The following MAP3K7 variants were observed in gnomAD, a reference collection of about 807,000 sequenced individuals.
The protein encoded by MAP3K7 is TGF-beta activated kinase 1.
Under a neutral mutation model 84.8 loss-of-function variants are expected in MAP3K7, and 21 were observed. That is an observed-to-expected ratio of 0.25 (90% confidence interval 0.18 to 0.36). MAP3K7 has a LOEUF of 0.36. MAP3K7 is among the 10% of genes least tolerant of loss of function. MAP3K7 has a pLI of 1.00. For missense variants in MAP3K7, 503 were observed against 747.7 expected, an observed-to-expected ratio of 0.67 and a Z score of 3.82; for synonymous variants, 241 against 247.7, an observed-to-expected ratio of 0.97 and a Z score of 0.25.
In MAP3K7 at chr6:90,564,287, A is replaced by G. The variant is rs571360648; in HGVS notation, c.298-2620T>C. ...ACACAGACTGGCAAATTGGATAGAG[A>G]GTCAAGACCAGTAAGTGTGCTGTAT... is the stretch of plus-strand genomic sequence containing the variant. On this transcript the variant is annotated intron_variant, in intron 3 of 16. Coordinates refer to ENST00000369329, the MANE Select transcript of MAP3K7 (RefSeq NM_145331.3). Among the ~76,000 whole-genome samples, 7 of 152,346 alleles carry G rather than the reference A, an allele frequency of 4.6e-5. No homozygotes were observed. The East Asian group carries it at 9.6e-4, about 21-fold the overall frequency.
Position 90,553,992 on chromosome 6 carries a change from C to CA in MAP3K7, c.608-407dup, listed in dbSNP as rs1401861364. Among the ~76,000 whole-genome samples, 3 of 152,248 alleles carry CA rather than the reference C, an allele frequency of 2.0e-5. No homozygotes were observed. The East Asian group carries it at 5.8e-4, about 29-fold the overall frequency. ...TCACACTCTCATCCAGGCTGGAGCTCAGTGTAGCCTCAAACTCTTGGGCTC... is the reference window on the plus strand; with the variant it reads ...TCACACTCTCATCCAGGCTGGAGCTCAAGTGTAGCCTCAAACTCTTGGGCTC... On this transcript the variant is annotated intron_variant, in intron 6 of 16. Coordinates refer to ENST00000369329, the MANE Select transcript of MAP3K7 (RefSeq NM_145331.3).
intron 1 of MAP3K7, among the ~76,000 whole-genome samples, chr6:90,583,407 C>G (rs2127786759): frequency 6.6e-6 from 1 of 152,252 alleles, no homozygotes; most frequent in South Asian, 2.1e-4. Flanking sequence ...CCAGCTTTAC[C>G]ATTTACTTAG....
intron 1 of MAP3K7, among the ~76,000 whole-genome samples, chr6:90,576,281 G>A (rs1416518795): frequency 2.6e-5 from 4 of 151,826 alleles, no homozygotes; most frequent in Non-Finnish European, 5.9e-5. Flanking sequence ...AAATTAACGG[G>A]GCGTGGTGGC....
At chr6:90,531,361 T>C (rs573220753) in intron 13 of MAP3K7, among the ~76,000 whole-genome samples, 3 of 152,168 alleles carry the variant, frequency 2.0e-5, no homozygotes, top group Non-Finnish European at 2.9e-5. Flanking sequence ...GTAGCTAAAA[T>C]TATACAAGCA....
chr6:90,519,224 A>G (rs1417255263), intron 15 of MAP3K7, 34 bp downstream of exon 15: 1 of 1,457,868 alleles, frequency 6.9e-7, no homozygotes, highest in Non-Finnish European at 9.5e-7. Flanking sequence ...TAAGAAGAAA[A>G]AAGTCAACTT....
Position 90,516,620 on chromosome 6 carries a change from C to T in MAP3K7, c.1702G>A (p.Val568Ile), listed in dbSNP as rs1457817469. ...EKDQQNTSRLVQEHKKLLDEN... is the reference protein window; with the variant it reads ...EKDQQNTSRLIQEHKKLLDEN... Reference sequence around the variant, plus strand: ...TCTAAAAGCTTTTTATGTTCCTGTACCAGGCGAGATGTATTTTGCTGGTCC... The same window carrying T: ...TCTAAAAGCTTTTTATGTTCCTGTATCAGGCGAGATGTATTTTGCTGGTCC... Residue 568 changes from valine to isoleucine, a missense_variant, in exon 17 of 17, where the codon GTA (valine) becomes ATA (isoleucine). Coordinates refer to ENST00000369329, the MANE Select transcript of MAP3K7 (RefSeq NM_145331.3). 5 of 1,611,828 alleles carry T rather than the reference C, an allele frequency of 3.1e-6. No homozygotes were observed. Among genetic ancestry groups the T allele is most frequent in the Non-Finnish European group, 4.2e-6 (5 of 1,178,890 alleles).
chr6:90,540,921 T>C (rs556364839), intron 12 of MAP3K7, among the ~76,000 whole-genome samples: 22 of 152,090 alleles, frequency 1.4e-4, no homozygotes, highest in African/African-American at 5.3e-4. Context: ...ATGAACTGCA[T>C]TAGAATGTCT....
intron 8 of MAP3K7, chr6:90,551,701 T>C (rs1477905597): frequency 5.9e-6 from 1 of 170,252 alleles, no homozygotes; most frequent in East Asian, 1.6e-4. Flanking sequence ...ATAATATTAA[T>C]ATATCCAAGT....
rs200692753 is a variant in MAP3K7, at chr6:90,553,590, GA to G, written c.608-5del. The G allele has an allele frequency of 6.1e-4, 862 of 1,422,048 alleles. No individual in the cohort carries two copies. Among genetic ancestry groups the G allele is most frequent in the Admixed American group, 1.5e-3 (68 of 45,454 alleles). 88.1% of individuals were successfully genotyped at this position (1,422,048 alleles called of 1,614,324 possible). On this transcript the variant is annotated splice_polypyrimidine_tract_variant and splice_region_variant and intron_variant, in intron 6 of 16. Transcript: ENST00000369329. ...CATTTTTCACTGTAATTACTACCTA[GA>G]AAAAAAAAAGGTAGTATATAACCTA... is the stretch of plus-strand genomic sequence containing the variant.
At position 90,525,057 on chromosome 6, in the gene MAP3K7, C is replaced by G. The variant is rs571727582; in HGVS notation, c.1357-1274G>C. 2.0e-4 allele frequency among the ~76,000 whole-genome samples: 30 copies of G among 151,838 alleles called. 1 individual carries two copies. In the South Asian group the frequency reaches 5.6e-3, roughly 28 times the overall value. On this transcript the variant is annotated intron_variant, in intron 13 of 16. Coordinates refer to ENST00000369329, the MANE Select transcript of MAP3K7 (RefSeq NM_145331.3). ...GAGAAATAAAACATAAGAGAGCAAA[C>G]TTATCAGTAACCACAATAAATGTAA...
At chr6:90,581,746 G>T (rs1360146144) in intron 1 of MAP3K7, among the ~76,000 whole-genome samples, 2 of 152,134 alleles carry the variant, frequency 1.3e-5, no homozygotes, top group Non-Finnish European at 2.9e-5. Context: ...TCACATGAAA[G>T]AATGTATTGA....
intron 1 of MAP3K7, among the ~76,000 whole-genome samples, chr6:90,574,906 C>A (rs1267034801): frequency 6.6e-6 from 1 of 152,118 alleles, no homozygotes; most frequent in Non-Finnish European, 1.5e-5. Flanking sequence ...GTAAGATGAG[C>A]CCATGGGCTT....
intron 2 of MAP3K7, among the ~76,000 whole-genome samples, chr6:90,571,089 C>G (rs549273560): frequency 4.7e-4 from 71 of 152,144 alleles, no homozygotes; most frequent in African/African-American, 1.6e-3. Flanking sequence ...GGCCACTTAT[C>G]CATTGGCCAA....
At chr6:90,565,878 C>G (rs1776686610) in intron 3 of MAP3K7, among the ~76,000 whole-genome samples, 1 of 152,200 alleles carries the variant, frequency 6.6e-6, no homozygotes, top group African/African-American at 2.4e-5. Flanking sequence ...ATCAAGTTGG[C>G]CTCATCCCTG....
At chr6:90,545,463 T>G (rs1354755976) in intron 11 of MAP3K7, among the ~76,000 whole-genome samples, 2 of 152,096 alleles carry the variant, frequency 1.3e-5, no homozygotes, top group Admixed American at 1.3e-4. Flanking sequence ...TTATAACAAT[T>G]TTCAGTTTTG....
chr6:90,530,231 A>AAC (rs1177577545), intron 13 of MAP3K7, among the ~76,000 whole-genome samples: 2 of 152,216 alleles, frequency 1.3e-5, no homozygotes, highest in African/African-American at 4.8e-5. Flanking sequence ...TAAAAAGAGA[A>AAC]ACACATGTTT....
intron 8 of MAP3K7, 64 bp from the exon 9 acceptor site, chr6:90,550,613 G>T: frequency 1.9e-6 from 2 of 1,028,808 alleles, no homozygotes; most frequent in East Asian, 2.4e-5. Flanking sequence ...CCTGATTAAT[G>T]TTTTATTTTC....
In MAP3K7 at chr6:90,514,482, A is replaced by G. The variant is rs1345271961; in HGVS notation, c.*2019T>C. 2.0e-5 allele frequency: 3 copies of G among 151,974 alleles called. No homozygotes were observed. Among genetic ancestry groups the G allele is most frequent in the Admixed American group, 6.6e-5 (1 of 15,218 alleles). 9.4% of individuals were successfully genotyped at this position (151,974 alleles called of 1,614,324 possible). ...TTTGGTACCATGACTAAAATCTACT[A>G]TTTTCTTCCATTTACCTATCTGGAT... is the stretch of plus-strand genomic sequence containing the variant. On this transcript the variant is annotated 3_prime_UTR_variant, in exon 17 of 17. Transcript: ENST00000369329.
intron 1 of MAP3K7, among the ~76,000 whole-genome samples, chr6:90,584,810 A>G (rs2127787327): frequency 6.6e-6 from 1 of 152,316 alleles, no homozygotes; most frequent in African/African-American, 2.4e-5. Flanking sequence ...GAGCAGACGT[A>G]AACGCTTATT....
Sources: gnomAD v4.1 joint callset for allele counts (sites outside exome capture counted in the v4.1 genomes callset) on GRCh38, gnomAD v4.1.1 for gene constraint, MANE v1.5 for transcripts, NCBI Gene and HGNC (gene_info 2026-07-23, HGNC 2026-07-21) for gene names.